Variants in LRRC8D observed in about 807,000 individuals in gnomAD.
The protein encoded by LRRC8D is leucine rich repeat containing 8 VRAC subunit D, also known as volume-regulated anion channel subunit LRRC8D.
LRRC8D carries 20 observed loss-of-function variants against 55.8 expected under a neutral mutation model. The observed-to-expected ratio is 0.36, with a 90% confidence interval of 0.25 to 0.52. The LOEUF (loss-of-function observed/expected upper bound fraction) is 0.52, where lower values mean the gene tolerates loss of function less well. LRRC8D is among the 20% of genes least tolerant of loss of function. The pLI is 0.93. For missense variants in LRRC8D, 651 were observed against 1,030.8 expected (o/e 0.63, Z 5.05); for synonymous variants, 352 against 377.0 (o/e 0.93, Z 0.77).
At chr1:89,839,909 G>T (rs1192493586) in intron 1 of LRRC8D, among the ~76,000 whole-genome samples, 1 of 152,200 alleles carries the variant, frequency 6.6e-6, no homozygotes, top group Non-Finnish European at 1.5e-5. Context: ...GCCAAACTAA[G>T]ATCTTTCTTA....
In LRRC8D at chr1:89,934,896, G is replaced by T; in HGVS notation, c.1828G>T (p.Ala610Ser). The T allele has an allele frequency of 6.2e-7, 1 of 1,614,080 alleles. No individual in the cohort carries two copies. Among genetic ancestry groups the T allele is most frequent in the South Asian group, 1.1e-5 (1 of 91,070 alleles). The change falls in exon 3 of 3, where the codon GCT becomes TCT. Residue 610 changes from alanine to serine, a missense_variant. Around this residue, in one of 5 missense-constraint regions of LRRC8D, gnomAD observed 338 missense variants for 479.4 expected, o/e 0.71. Transcript: ENST00000337338. The surrounding 1 kb of genome is among the most constrained non-coding windows in gnomAD (Gnocchi z 5.9). ...AGTTCCCTCCAACATTACAGATGTG[G>T]CTCCACATCTTACAAAGTTAGTCAT... ...TKVPSNITDV[A>S]PHLTKLVIHN... is the part of the protein sequence containing the mutation.
chr1:89,898,695 AAC>A (rs1401684917), intron 2 of LRRC8D, among the ~76,000 whole-genome samples: 1 of 152,252 alleles, frequency 6.6e-6, no homozygotes, highest in East Asian at 1.9e-4. Flanking sequence ...AAGTACCTTA[AAC>A]ACAGATACAC....
chr1:89,932,364 T>C (rs921099168), intron 2 of LRRC8D, among the ~76,000 whole-genome samples: 1 of 152,192 alleles, frequency 6.6e-6, no homozygotes, highest in Admixed American at 6.5e-5. Context: ...GCTATATATA[T>C]TGATAAATCC....
chr1:89,881,229 C>T (rs1326254963), intron 2 of LRRC8D, among the ~76,000 whole-genome samples: 1 of 152,110 alleles, frequency 6.6e-6, no homozygotes, highest in Non-Finnish European at 1.5e-5. Flanking sequence ...TCTATTCAGC[C>T]AACAGGAAGG....
chr1:89,914,781 T>A (rs2100952218), intron 2 of LRRC8D, among the ~76,000 whole-genome samples: 1 of 152,120 alleles, frequency 6.6e-6, no homozygotes, highest in South Asian at 2.1e-4. Context: ...TCTTACTATG[T>A]TCCCAGGCTA....
chr1:89,891,924 T>G (rs551529709), intron 2 of LRRC8D, among the ~76,000 whole-genome samples: 1 of 152,208 alleles, frequency 6.6e-6, no homozygotes, highest in African/African-American at 2.4e-5. Flanking sequence ...TTAACAACTC[T>G]GGGTTCTCTC....
intron 1 of LRRC8D, among the ~76,000 whole-genome samples, chr1:89,833,940 T>G (rs528064667): frequency 6.6e-6 from 1 of 152,304 alleles, no homozygotes; most frequent in African/African-American, 2.4e-5. Context: ...TCTCTTCCAG[T>G]TTGCCTACAA....
At chr1:89,925,437 C>A (rs990329873) in intron 2 of LRRC8D, among the ~76,000 whole-genome samples, 1 of 152,154 alleles carries the variant, frequency 6.6e-6, no homozygotes, top group Non-Finnish European at 1.5e-5. Context: ...AACCATCCCC[C>A]TCCCCCGTCC....
chr1:89,842,601 G>A (rs1338675906), intron 1 of LRRC8D, among the ~76,000 whole-genome samples: 3 of 152,178 alleles, frequency 2.0e-5, no homozygotes, highest in South Asian at 4.1e-4. Context: ...AAAAGGAGCC[G>A]TTTGTCAAGA....
intron 2 of LRRC8D, among the ~76,000 whole-genome samples, chr1:89,865,281 TCTTGTTGATTACTTTG>T (rs1003157436): frequency 6.6e-6 from 1 of 150,476 alleles, no homozygotes; most frequent in African/African-American, 2.4e-5. Flanking sequence ...CAAAAACCAT[TCTTGTTGATTACTTTG>T]CTTAATTGTA....
At chr1:89,843,430 G>T in intron 1 of LRRC8D, 1 of 363,514 alleles carries the variant, frequency 2.8e-6, no homozygotes. Flanking sequence ...AGCAGGGGGG[G>T]CCCGGGCCGA....
chr1:89,915,770 C>G (rs1195391209), intron 2 of LRRC8D, among the ~76,000 whole-genome samples: 1 of 152,138 alleles, frequency 6.6e-6, no homozygotes, highest in Admixed American at 6.6e-5. Context: ...GCAGTGGCAC[C>G]CTTGACATTT....
intron 2 of LRRC8D, among the ~76,000 whole-genome samples, chr1:89,917,762 T>C (rs989114769): frequency 1.3e-5 from 2 of 152,142 alleles, no homozygotes; most frequent in African/African-American, 2.4e-5. Flanking sequence ...GGGCTGTCTT[T>C]AAGAAAAATA....
At chr1:89,868,357 A>G (rs1661905555) in intron 2 of LRRC8D, among the ~76,000 whole-genome samples, 1 of 152,178 alleles carries the variant, frequency 6.6e-6, no homozygotes, top group Non-Finnish European at 1.5e-5. Context: ...GGCTGCGCAA[A>G]CCGTCCCTGG....
rs780421302 is a variant in LRRC8D at position 89,893,418 on chromosome 1, T to G, written c.-2-39649T>G. Reference sequence around the variant, plus strand: ...CCTAGAAAGCATCTAACTTCATGCTTAAAATTTGACTTTATTTGCTCATTT... The same window carrying G: ...CCTAGAAAGCATCTAACTTCATGCTGAAAATTTGACTTTATTTGCTCATTT... On this transcript the variant is annotated intron_variant, in intron 2 of 2. Coordinates refer to ENST00000337338, the MANE Select transcript of LRRC8D (RefSeq NM_001134479.2). Among the ~76,000 whole-genome samples, 6 of 152,202 alleles carry G rather than the reference T, an allele frequency of 3.9e-5. No homozygotes were observed. In the South Asian group the frequency reaches 1.2e-3, roughly 32 times the overall value.
intron 2 of LRRC8D, among the ~76,000 whole-genome samples, chr1:89,843,990 GA>G (rs1357197989): frequency 6.6e-6 from 1 of 152,260 alleles, no homozygotes; most frequent in Non-Finnish European, 1.5e-5. Flanking sequence ...GTGCGCTGCG[GA>G]GCCGCCTGCG....
At chr1:89,859,073 AC>A (rs201198888) in intron 2 of LRRC8D, among the ~76,000 whole-genome samples, 2,041 of 152,286 alleles carry the variant, frequency 0.013, 51 homozygotes, top group African/African-American at 0.047. Context: ...AATTTTCTTT[AC>A]AAAATTTTTG....
intron 2 of LRRC8D, among the ~76,000 whole-genome samples, chr1:89,846,881 C>T (rs1303113892): frequency 6.6e-6 from 1 of 152,002 alleles, no homozygotes; most frequent in Non-Finnish European, 1.5e-5. Flanking sequence ...AATTAAAAAA[C>T]CTCTTCTGGC....
chr1:89,845,584 A>G (rs1421099801), intron 2 of LRRC8D, among the ~76,000 whole-genome samples: 7 of 151,684 alleles, frequency 4.6e-5, no homozygotes. Flanking sequence ...TTACAGGTGC[A>G]CGCCACCACA....
Sources: gnomAD v4.1 joint callset for allele counts (sites outside exome capture counted in the v4.1 genomes callset) on GRCh38, gnomAD v4.1.1 for gene constraint, gnomAD v4.1.1 regional missense constraint, Gnocchi (gnomAD v3.1) non-coding constraint, MANE v1.5 for transcripts, NCBI Gene and HGNC (gene_info 2026-07-23, HGNC 2026-07-21) for gene names.